Variants in CSF2RA observed in about 807,000 individuals in gnomAD.
CSF2RA encodes the protein colony stimulating factor 2 receptor subunit alpha.
A neutral mutation model predicts 51.6 loss-of-function variants in CSF2RA; 42 were observed. The ratio of observed to expected loss-of-function variants is 0.81; its 90% CI spans 0.64 to 1.05. CSF2RA has a LOEUF of 1.05. Ranked by LOEUF, CSF2RA falls within the 50% of genes least tolerant of loss-of-function variation. CSF2RA has a pLI of 0.00. For missense variants in CSF2RA, 530 were observed against 501.1 expected (o/e 1.06, Z -0.55); for synonymous variants, 222 against 193.0 (o/e 1.15, Z -1.24).
At chrX:1,284,704 T>C (rs28437141) in intron 3 of CSF2RA, among the ~76,000 whole-genome samples, 1 of 93,924 alleles carries the variant, frequency 1.1e-5, no homozygotes, top group Non-Finnish European at 2.2e-5. Flanking sequence ...TTACTCTGTC[T>C]CCCAGGCTGG....
At chrX:1,304,335 G>A (rs2083323145) in intron 11 of CSF2RA, among the ~76,000 whole-genome samples, 1 of 109,150 alleles carries the variant, frequency 9.2e-6, no homozygotes, top group Non-Finnish European at 1.8e-5. Flanking sequence ...GGGAGGTGGA[G>A]GTTGCAGTGA....
intron 1 of CSF2RA, 89 bp from the exon 2 acceptor site, chrX:1,274,665 CG>C (rs1161666693): frequency 2.2e-6 from 1 of 445,900 alleles, no homozygotes; most frequent in Non-Finnish European, 4.5e-6. Flanking sequence ...ACCTTATTTA[CG>C]AATAAAATGC....
At chrX:1,315,308 T>C (rs191548383), downstream of CSF2RA, among the ~76,000 whole-genome samples, 65 of 152,138 alleles carry the variant, frequency 4.3e-4, no homozygotes, top group East Asian at 5.4e-3. Flanking sequence ...GAAAAATATA[T>C]ATGATAGATG....
the CSF2RA span, among the ~76,000 whole-genome samples, chrX:1,318,678 G>T: frequency 1.3e-5 from 2 of 151,534 alleles, no homozygotes; most frequent in Non-Finnish European, 2.9e-5. Flanking sequence ...AACACTTTGG[G>T]AGGCCGAGGC....
chrX:1,290,390 TG>T lies in CSF2RA; in HGVS notation c.530del (p.Gly177AspfsTer10). 6.2e-7 allele frequency: 1 copy of T among 1,613,766 alleles called. No homozygotes were observed. Among genetic ancestry groups the T allele is most frequent in the Non-Finnish European group, 8.5e-7 (1 of 1,179,680 alleles). On this transcript the variant is annotated frameshift_variant, in exon 7 of 13. Coordinates refer to ENST00000381529, the MANE Select transcript of CSF2RA (RefSeq NM_172245.4). LOFTEE classifies it high-confidence loss of function. Reference sequence around the variant, plus strand: ...TACATACAAGACTCAGGAACCCATGTGGGATGTCACCTGGATAACCTGTCAG... The same window carrying T: ...TACATACAAGACTCAGGAACCCATGTGGATGTCACCTGGATAACCTGTCAG... ...PYYIQDSGTH[V>X]GCHLDNLSGL...
intron 1 of CSF2RA, among the ~76,000 whole-genome samples, chrX:1,273,316 AT>A (rs201207431): frequency 7.4e-5 from 11 of 149,254 alleles, no homozygotes; most frequent in South Asian, 6.4e-4. Context: ...TCTTAGTTGT[AT>A]TTTTTTTTTC....
In CSF2RA at chrX:1,300,491, A is replaced by G; in HGVS notation, c.811A>G (p.Ile271Val). 1 of 1,613,904 alleles carries G rather than the reference A, an allele frequency of 6.2e-7. No individual in the cohort carries two copies. The highest frequency in any genetic ancestry group is 8.5e-7 in the Non-Finnish European group (1 of 1,179,842). The stretch of plus-strand genomic sequence containing the variant: ...TCTAACTTTCTTTTTTCCTCCAAAG[A>G]TTAATGTTTCTGGTGATTTGGAAAA... ...NTQPGTENLL[I>V]NVSGDLENRY... The change falls in exon 10 of 13, where the codon ATT (isoleucine) becomes GTT (valine). Residue 271 changes from isoleucine to valine, a missense_variant and splice_region_variant. Ile to Val is a conservative substitution (Grantham distance 29). Coordinates refer to ENST00000381529, the MANE Select transcript of CSF2RA (RefSeq NM_172245.4).
chrX:1,295,346 G>C, intron 8 of CSF2RA, 81 bp from the exon 9 acceptor site: 1 of 1,576,006 alleles, frequency 6.3e-7, no homozygotes, highest in Non-Finnish European at 8.7e-7. Context: ...GCCCACACCA[G>C]GGGAGACACT....
intron 1 of CSF2RA, among the ~76,000 whole-genome samples, chrX:1,270,814 C>T (rs1181555625): frequency 3.5e-4 from 53 of 149,952 alleles, no homozygotes; most frequent in Non-Finnish European, 6.6e-4. Context: ...CTGAGGTGGG[C>T]GGATCACCTG....
In CSF2RA at chrX:1,304,024, C is replaced by T; in HGVS notation, c.1043+5C>T. 1 of 1,610,684 alleles carries T rather than the reference C, an allele frequency of 6.2e-7. No homozygotes were observed. ...CCTCGGCTTCCTCTTTAAAAGGTAA[C>T]CTGTGAAACACCTGGGCCTCCCCAA... On this transcript the variant is annotated splice_donor_5th_base_variant and intron_variant, in intron 11 of 12. Transcript: ENST00000381529.
the CSF2RA span, among the ~76,000 whole-genome samples, chrX:1,315,515 T>A: frequency 6.6e-6 from 1 of 152,134 alleles, no homozygotes; most frequent in Admixed American, 6.6e-5. Flanking sequence ...GTGATTCTCC[T>A]GCCTCAGCCT....
At chrX:1,307,268 A>C (rs1603437289) in intron 12 of CSF2RA, among the ~76,000 whole-genome samples, 1 of 152,178 alleles carries the variant, frequency 6.6e-6, no homozygotes, top group Admixed American at 6.5e-5. Context: ...CTCAGCTTTT[A>C]TCCTTTAGAC....
chrX:1,309,622 C>T lies in CSF2RA; in HGVS notation c.*143C>T, dbSNP rs761431616. The T allele has an allele frequency of 3.7e-6, 6 of 1,604,044 alleles. No individual in the cohort carries two copies. The highest frequency in any genetic ancestry group is 1.7e-4 in the Middle Eastern group (1 of 5,806). On this transcript the variant is annotated 3_prime_UTR_variant, in exon 13 of 13. Transcript: ENST00000381529. The stretch of plus-strand genomic sequence containing the variant: ...ACATTTGGGGCCAGGCGCGGTGGCT[C>T]ACGCCTGTAATCCCAGCACTTTGGG...
chrX:1,314,446 C>T (rs1158659500), downstream of CSF2RA, among the ~76,000 whole-genome samples: 15 of 146,596 alleles, frequency 1.0e-4, no homozygotes, highest in African/African-American at 2.8e-4. Context: ...CTGCACTTGC[C>T]CAATTGCACT....
rs770171738 is a variant in CSF2RA at position 1,291,563 on chromosome X, C to T, written c.646+1054C>T. 1.2e-4 allele frequency among the ~76,000 whole-genome samples: 19 copies of T among 152,194 alleles called. No homozygotes were observed. In the East Asian group the frequency reaches 3.1e-3, roughly 25 times the overall value. Reference sequence around the variant, plus strand: ...CTTCCCAAGCCCACCGCATCCCACCCGTGGACTCCTTCATCCCGTTGGACG... The same window carrying T: ...CTTCCCAAGCCCACCGCATCCCACCTGTGGACTCCTTCATCCCGTTGGACG... On this transcript the variant is annotated intron_variant, in intron 7 of 12. Coordinates refer to ENST00000381529, the MANE Select transcript of CSF2RA (RefSeq NM_172245.4).
chrX:1,309,268 T>C (rs767082271), intron 12 of CSF2RA, 134 bp from the exon 13 acceptor site: 860 of 904,542 alleles, frequency 9.5e-4, no homozygotes, highest in Non-Finnish European at 1.4e-3. Context: ...TGAGCTGAGA[T>C]GACACCACTG....
intron 1 of CSF2RA, 131 bp downstream of exon 1, chrX:1,269,010 C>G: frequency 7.7e-6 from 3 of 391,044 alleles, no homozygotes; most frequent in South Asian, 5.5e-5. Context: ...TGGCTCGAGC[C>G]GAAGTGGGGA....
Position 1,305,657 on chromosome X carries a change from C to T in CSF2RA, c.1125+130C>T, listed in dbSNP as rs2083488850. The T allele has an allele frequency of 1.9e-6, 3 of 1,604,930 alleles. No individual in the cohort carries two copies. In the South Asian group the frequency reaches 3.3e-5, roughly 18 times the overall value. On this transcript the variant is annotated intron_variant, in intron 12 of 12. Coordinates refer to ENST00000381529, the MANE Select transcript of CSF2RA (RefSeq NM_172245.4). ...GACCGCAGCGTCACCACCGGTGTGG[C>T]TGGAATCTGTATCCCACTCCTGGGC...
At chrX:1,273,750 T>C (rs2088772419) in intron 1 of CSF2RA, among the ~76,000 whole-genome samples, 1 of 11,948 alleles carries the variant, frequency 8.4e-5, no homozygotes, top group East Asian at 1.5e-3. Context: ...CCAGCTAATT[T>C]TTTTTTTTTT....
Sources: allele counts gnomAD v4.1 joint callset (sites outside exome capture counted in the v4.1 genomes callset), GRCh38; gene constraint gnomAD v4.1.1; transcripts MANE v1.5; gene names NCBI Gene and HGNC (gene_info 2026-07-23, HGNC 2026-07-21).